Variants in CNTNAP2 observed in about 807,000 individuals in gnomAD.
CNTNAP2 encodes the protein contactin-associated protein-like 2.
A neutral mutation model predicts 155.2 loss-of-function variants in CNTNAP2; 98 were observed. The ratio of observed to expected loss-of-function variants is 0.63; its 90% confidence interval spans 0.54 to 0.75. CNTNAP2 has a LOEUF of 0.75. CNTNAP2 is among the 30% of genes least tolerant of loss of function. The pLI is 0.00. For missense variants in CNTNAP2, 1,727 were observed against 1,688.1 expected, an observed-to-expected ratio of 1.02 and a Z score of -0.40; for synonymous variants, 651 against 631.2, an observed-to-expected ratio of 1.03 and a Z score of -0.47.
chr7:148,050,577 TAAAGA>T lies in CNTNAP2; in HGVS notation c.2384-67536_2384-67532del, dbSNP rs145734719. Reference sequence around the variant, plus strand: ...AAAGTTACAGTAAACTAATGTGTATTAAAGAAAAGTATTTTTTTACAAATTTAGTG... The same window carrying T: ...AAAGTTACAGTAAACTAATGTGTATTAAAGTATTTTTTTACAAATTTAGTG... On this transcript the variant is annotated intron_variant, in intron 15 of 23. Transcript: ENST00000361727. Among the ~76,000 whole-genome samples, 532 of 152,302 alleles carry T rather than the reference TAAAGA, an allele frequency of 3.5e-3. 2 individuals carry two copies. The highest frequency in any genetic ancestry group is 0.012 in the African/African-American group (494 of 41,568).
intron 10 of CNTNAP2, among the ~76,000 whole-genome samples, chr7:147,478,446 C>T (rs1385839582): frequency 6.6e-6 from 1 of 152,148 alleles, no homozygotes; most frequent in Non-Finnish European, 1.5e-5. Flanking sequence ...AGCCACAGTG[C>T]CTGGCCTATT....
intron 16 of CNTNAP2, among the ~76,000 whole-genome samples, chr7:148,126,230 T>A (rs1804714052): frequency 6.6e-6 from 1 of 152,036 alleles, no homozygotes; most frequent in African/African-American, 2.4e-5. Context: ...ATCAAAAAGG[T>A]GTGGCTCCGT....
At chr7:147,514,718 G>C (rs1324581652) in intron 11 of CNTNAP2, among the ~76,000 whole-genome samples, 1 of 151,948 alleles carries the variant, frequency 6.6e-6, no homozygotes, top group Admixed American at 6.6e-5. Flanking sequence ...AAGAGAATGG[G>C]CCATCCTACC....
At chr7:147,440,907 C>A (rs949869932) in intron 10 of CNTNAP2, among the ~76,000 whole-genome samples, 1 of 152,008 alleles carries the variant, frequency 6.6e-6, no homozygotes, top group African/African-American at 2.4e-5. Context: ...TATCCTTGAG[C>A]TTTTGGAGTT....
intron 2 of CNTNAP2, among the ~76,000 whole-genome samples, chr7:146,832,940 C>A (rs1803542426): frequency 6.6e-6 from 1 of 152,036 alleles, no homozygotes; most frequent in Non-Finnish European, 1.5e-5. Context: ...AAGTGATCCA[C>A]CCGCCTCGGC....
At chr7:147,774,881 T>G (rs2116542485) in intron 13 of CNTNAP2, among the ~76,000 whole-genome samples, 1 of 152,182 alleles carries the variant, frequency 6.6e-6, no homozygotes, top group Admixed American at 6.6e-5. Flanking sequence ...ATAAGAAAAC[T>G]GAAGCCAGAG....
chr7:146,943,860 A>G (rs893616382), intron 3 of CNTNAP2, among the ~76,000 whole-genome samples: 1 of 152,238 alleles, frequency 6.6e-6, no homozygotes, highest in African/African-American at 2.4e-5. Flanking sequence ...AACTGCTTAC[A>G]TGAAGATGAT....
intron 8 of CNTNAP2, among the ~76,000 whole-genome samples, chr7:147,144,995 G>A (rs867303285): frequency 3.9e-5 from 6 of 152,142 alleles, no homozygotes; most frequent in South Asian, 2.1e-4. Flanking sequence ...CATTTGCCAC[G>A]TTTGAATGAT....
chr7:146,483,324 T>C lies in CNTNAP2; in HGVS notation c.98-290947T>C, dbSNP rs867139057. 6.7e-4 allele frequency among the ~76,000 whole-genome samples: 56 copies of C among 83,782 alleles called. No individual in the cohort carries two copies. In the East Asian group the frequency reaches 0.011, roughly 16 times the overall value. 55.0% of individuals were successfully genotyped at this position (83,782 alleles called of 152,430 possible). On this transcript the variant is annotated intron_variant, in intron 1 of 23. Transcript: ENST00000361727. The stretch of plus-strand genomic sequence containing the variant: ...ATATATATATATATATATATATATA[T>C]ATATACATATATATATATTTAAGCA...
intron 12 of CNTNAP2, among the ~76,000 whole-genome samples, chr7:147,565,642 TAA>T (rs1235548284): frequency 3.3e-5 from 5 of 152,138 alleles, no homozygotes; most frequent in African/African-American, 1.2e-4. Context: ...ACAGGATTGG[TAA>T]AAGTTTGGAT....
At position 146,602,654 on chromosome 7, in the gene CNTNAP2, AT is replaced by A. The variant is rs1369806916; in HGVS notation, c.98-171611del. Among the ~76,000 whole-genome samples the A allele has an allele frequency of 2.0e-4, 30 of 152,342 alleles. No homozygotes were observed. In the East Asian group the frequency reaches 4.8e-3, roughly 24 times the overall value. ...TGCCCTTGATACTAGTTAAAATTAA[AT>A]TTTTTACTGATTGGAAAATACACAT... On this transcript the variant is annotated intron_variant, in intron 1 of 23. Transcript: ENST00000361727.
chr7:147,006,415 A>C (rs930077594), intron 3 of CNTNAP2, among the ~76,000 whole-genome samples: 1 of 152,086 alleles, frequency 6.6e-6, no homozygotes, highest in African/African-American at 2.4e-5. Context: ...TATTTTACAA[A>C]ATGAAAATTT....
intron 13 of CNTNAP2, among the ~76,000 whole-genome samples, chr7:147,774,005 T>C (rs1318125101): frequency 2.0e-5 from 3 of 152,162 alleles, no homozygotes; most frequent in African/African-American, 7.2e-5. Context: ...GCCTCTTTGA[T>C]TTTTGTTGTT....
At chr7:147,027,144 G>A (rs924150374) in intron 3 of CNTNAP2, among the ~76,000 whole-genome samples, 1 of 152,002 alleles carries the variant, frequency 6.6e-6, no homozygotes. Context: ...CTTAATTGAG[G>A]AAAATGTGTT....
intron 8 of CNTNAP2, among the ~76,000 whole-genome samples, chr7:147,157,957 G>T (rs371978354): frequency 2.0e-5 from 3 of 151,420 alleles, no homozygotes; most frequent in South Asian, 4.2e-4. Flanking sequence ...GATTTTTAAG[G>T]GATTTAATAA....
chr7:146,334,169 C>T lies in CNTNAP2; in HGVS notation c.97+217196C>T, dbSNP rs374092059. On this transcript the variant is annotated intron_variant, in intron 1 of 23. Coordinates refer to ENST00000361727, the MANE Select transcript of CNTNAP2 (RefSeq NM_014141.6). ...CGCCCTGGCCGGGCGCGGTGGCTCA[C>T]GCCTGTAATCCCAGCACTTTGGGAG... 2.2e-3 allele frequency among the ~76,000 whole-genome samples: 328 copies of T among 152,274 alleles called. 2 individuals carry two copies. Among genetic ancestry groups the T allele is most frequent in the African/African-American group, 7.3e-3 (304 of 41,568 alleles).
chr7:148,098,066 C>A (rs908924654), intron 15 of CNTNAP2, among the ~76,000 whole-genome samples: 2 of 152,022 alleles, frequency 1.3e-5, no homozygotes, highest in Non-Finnish European at 2.9e-5. Context: ...GAGTTCTAAA[C>A]GATGGGAAAA....
intron 3 of CNTNAP2, among the ~76,000 whole-genome samples, chr7:146,986,407 ATGGACATTT>A (rs142157622): frequency 0.011 from 1,690 of 152,286 alleles, 34 homozygotes; most frequent in African/African-American, 0.038. Context: ...TCATTGATTA[ATGGACATTT>A]GGGTTGGTTC....
At chr7:147,175,819 C>G (rs1388917286) in intron 8 of CNTNAP2, among the ~76,000 whole-genome samples, 1 of 152,194 alleles carries the variant, frequency 6.6e-6, no homozygotes, top group African/African-American at 2.4e-5. Context: ...TAAAATGTCT[C>G]TATCTGTTAG....
Sources: gnomAD v4.1 joint callset for allele counts (sites outside exome capture counted in the v4.1 genomes callset) on GRCh38, gnomAD v4.1.1 for gene constraint, MANE v1.5 for transcripts, NCBI Gene and HGNC (gene_info 2026-07-23, HGNC 2026-07-21) for gene names.